EPS15: variants seen among roughly 807,000 people sequenced by gnomAD.
EPS15 encodes the protein epidermal growth factor receptor substrate 15.
EPS15 carries 72 observed loss-of-function variants against 113.8 expected under a neutral mutation model. The observed-to-expected ratio is 0.63, with a 90% CI of 0.52 to 0.77. EPS15 has a LOEUF of 0.77. Ranked by LOEUF, EPS15 falls within the 30% of genes least tolerant of loss-of-function variation. The pLI, the probability that EPS15 is intolerant of heterozygous loss-of-function variation, is 0.00. For synonymous variants in EPS15, 344 were observed against 363.4 expected, an observed-to-expected ratio of 0.95 and a Z score of 0.61; for missense variants, 1,048 against 1,045.8, an observed-to-expected ratio of 1.00 and a Z score of -0.03.
intron 7 of EPS15, chr1:51,461,851 G>C (rs1165447770): frequency 6.6e-6 from 1 of 152,190 alleles, no homozygotes; most frequent in African/African-American, 2.4e-5. Flanking sequence ...CATCATCATA[G>C]CAGCTAGCAT....
At chr1:51,389,236 G>A (rs1647189523) in intron 21 of EPS15, among the ~76,000 whole-genome samples, 1 of 152,160 alleles carries the variant, frequency 6.6e-6, no homozygotes, top group Non-Finnish European at 1.5e-5. Context: ...TATCTCAATA[G>A]ATGCAGAAAA....
intron 12 of EPS15, among the ~76,000 whole-genome samples, chr1:51,422,583 T>G (rs1180774611): frequency 1.3e-5 from 2 of 152,358 alleles, no homozygotes; most frequent in East Asian, 3.9e-4. Context: ...ACCTAAATTC[T>G]TATATGCTTT....
intron 16 of EPS15, 140 bp downstream of exon 16, chr1:51,405,765 G>T: frequency 1.6e-6 from 1 of 609,022 alleles, no homozygotes. Context: ...GTTTGGATTA[G>T]GACTCTCTGC....
chr1:51,432,542 A>G (rs897024304), intron 12 of EPS15, among the ~76,000 whole-genome samples: 3 of 152,250 alleles, frequency 2.0e-5, no homozygotes, highest in Admixed American at 6.5e-5. Context: ...TTTTAATGTA[A>G]TATTTCAAAA....
At chr1:51,513,500 A>G (rs1051149361) in intron 1 of EPS15, among the ~76,000 whole-genome samples, 11 of 152,332 alleles carry the variant, frequency 7.2e-5, no homozygotes, top group African/African-American at 2.4e-4. Flanking sequence ...ATTTATTCGC[A>G]TATACACAGA....
chr1:51,440,477 T>A, intron 11 of EPS15, 45 bp from the exon 12 acceptor site: 1 of 931,162 alleles, frequency 1.1e-6, no homozygotes, highest in African/African-American at 1.6e-5. Flanking sequence ...TAAAATTAGG[T>A]AATATAAGAC....
At chr1:51,437,163 T>G (rs1388766456) in intron 12 of EPS15, among the ~76,000 whole-genome samples, 1 of 152,094 alleles carries the variant, frequency 6.6e-6, no homozygotes, top group Admixed American at 6.6e-5. Flanking sequence ...TAGAAACAAT[T>G]TGGTGAACTA....
intron 11 of EPS15, among the ~76,000 whole-genome samples, chr1:51,442,830 AGAGTT>A (rs749855014): frequency 9.8e-5 from 15 of 152,334 alleles, no homozygotes; most frequent in Admixed American, 3.9e-4. Flanking sequence ...GAGAGAGAGT[AGAGTT>A]AAGAAACTGA....
chr1:51,465,705 G>A (rs1008076575), intron 5 of EPS15, among the ~76,000 whole-genome samples: 1 of 151,958 alleles, frequency 6.6e-6, no homozygotes, highest in Admixed American at 6.6e-5. Context: ...GCTAATTTTT[G>A]TATTTTTAGT....
At chr1:51,451,356 T>C (rs1466302888) in intron 8 of EPS15, among the ~76,000 whole-genome samples, 2 of 151,146 alleles carry the variant, frequency 1.3e-5, no homozygotes, top group East Asian at 3.9e-4. Context: ...CCAGGCGTGG[T>C]GGCGCATGCC....
chr1:51,356,533 G>C lies in EPS15; in HGVS notation c.*167C>G. 1 of 480,738 alleles carries C rather than the reference G, an allele frequency of 2.1e-6. No homozygotes were observed. Among genetic ancestry groups the C allele is most frequent in the Non-Finnish European group, 3.5e-6 (1 of 282,558 alleles). The allele number at this position is 480,738 out of a possible 1,614,324, so 29.8% of individuals were successfully genotyped here. Reference sequence around the variant, plus strand: ...TTTTATAAGAAAAAAAAAAAAAGACGAATCTGTAATGAAGAAAAAAAAAAA... The same window carrying C: ...TTTTATAAGAAAAAAAAAAAAAGACCAATCTGTAATGAAGAAAAAAAAAAA... On this transcript the variant is annotated 3_prime_UTR_variant, in exon 25 of 25. Coordinates refer to ENST00000371733, the MANE Select transcript of EPS15 (RefSeq NM_001981.3).
rs1373173669 is a variant in EPS15, at chr1:51,405,957, T to C, written c.1625A>G (p.His542Arg). Residue 542 changes from histidine (H) to arginine (R), a missense_variant, in exon 16 of 25, where the codon CAT (histidine) becomes CGT (arginine). By Grantham distance (29) the His-to-Arg change is conservative (BLOSUM62 0). Transcript: ENST00000371733. ...SSSETANLNE[H>R]VEGQSNLESE... is the part of the protein sequence containing the mutation. ...CTCTAGGTTGCTCTGGCCTTCAACA[T>C]GTTCATTAAGGTTGGCTGTTTCACT... 6 of 1,614,054 alleles carry C rather than the reference T, an allele frequency of 3.7e-6. No homozygotes were observed. The highest frequency in any genetic ancestry group is 2.2e-5 in the South Asian group (2 of 91,088).
At position 51,421,554 on chromosome 1, in the gene EPS15, C is replaced by T. The variant is rs142842484; in HGVS notation, c.1113+232G>A. ...GTAAGTACCATTTAAAAAATACTTT[C>T]AAAACTAGAAATCTATGCTGAAAAA... On this transcript the variant is annotated intron_variant, in intron 13 of 24. Transcript: ENST00000371733. Among the ~76,000 whole-genome samples, 166 of 152,152 alleles carry T rather than the reference C, an allele frequency of 1.1e-3. 1 individual carries two copies. Among genetic ancestry groups the T allele is most frequent in the African/African-American group, 3.9e-3 (164 of 41,538 alleles).
intron 5 of EPS15, 26 bp from the exon 6 acceptor site, chr1:51,465,352 A>G (rs189858815): frequency 2.0e-6 from 3 of 1,527,650 alleles, no homozygotes; most frequent in East Asian, 2.3e-5. Flanking sequence ...AAGCACAACA[A>G]GAGTTGAAAT....
intron 12 of EPS15, among the ~76,000 whole-genome samples, chr1:51,437,970 G>GA: frequency 6.6e-6 from 1 of 151,998 alleles, no homozygotes; most frequent in South Asian, 2.1e-4. Context: ...ACTTTGCATG[G>GA]AAAAAACGGT....
At position 51,415,831 on chromosome 1, in the gene EPS15, AT is replaced by A. The variant is rs753604149; in HGVS notation, c.1113+5954del. Reference sequence around the variant, plus strand: ...AAAAAAAAAAAAAAAAAAAAAAAAAATTCCAACACTAAACTACATACAAAAA... The same window carrying A: ...AAAAAAAAAAAAAAAAAAAAAAAAAATCCAACACTAAACTACATACAAAAA... On this transcript the variant is annotated intron_variant, in intron 13 of 24. Transcript: ENST00000371733. 1.3e-3 allele frequency among the ~76,000 whole-genome samples: 169 copies of A among 126,174 alleles called. 1 individual carries two copies. The highest frequency in any genetic ancestry group is 2.3e-3 in the South Asian group (9 of 3,958). 82.8% of individuals were successfully genotyped at this position (126,174 alleles called of 152,430 possible).
chr1:51,463,783 T>C lies in EPS15; in HGVS notation c.391A>G (p.Lys131Glu). The C allele has an allele frequency of 1.3e-6, 2 of 1,595,812 alleles. No individual in the cohort carries two copies. Among genetic ancestry groups the C allele is most frequent in the Non-Finnish European group, 1.7e-6 (2 of 1,168,226 alleles). ...AAACTATCAAATATTGCATCATATT[T>C]GGCCTTATCTTCAGGCTACAATAAA... Reference protein sequence around the residue: ...PWAVKPEDKAKYDAIFDSLSP... With the variant: ...PWAVKPEDKAEYDAIFDSLSP... The change falls in exon 7 of 25, where the codon AAA (lysine) becomes GAA (glutamate). Residue 131 changes from lysine (K) to glutamate (E), a missense_variant. Coordinates refer to ENST00000371733, the MANE Select transcript of EPS15 (RefSeq NM_001981.3).
At position 51,471,951 on chromosome 1, in the gene EPS15, CG is replaced by C. The variant is rs200446102; in HGVS notation, c.166-215del. 2.2e-4 allele frequency among the ~76,000 whole-genome samples: 34 copies of C among 152,028 alleles called. No individual in the cohort carries two copies. The East Asian group carries it at 3.5e-3, about 16-fold the overall frequency. On this transcript the variant is annotated intron_variant, in intron 3 of 24. Transcript: ENST00000371733. The stretch of plus-strand genomic sequence containing the variant: ...ACATGCAGCCCAGGACAGCTTTGCA[CG>C]TGGCCCAACACAAATCCATAAACTT...
At chr1:51,482,353 C>A (rs1045639073) in intron 1 of EPS15, among the ~76,000 whole-genome samples, 2 of 151,728 alleles carry the variant, frequency 1.3e-5, no homozygotes, top group African/African-American at 4.9e-5. Context: ...CAAAGGCATG[C>A]GATCAACAGA....
Sources: gnomAD v4.1 joint callset for allele counts (sites outside exome capture counted in the v4.1 genomes callset) on GRCh38, gnomAD v4.1.1 for gene constraint, MANE v1.5 for transcripts, NCBI Gene and HGNC (gene_info 2026-07-23, HGNC 2026-07-21) for gene names.